CNTNAP2: variants seen among roughly 807,000 people sequenced by gnomAD.
CNTNAP2 encodes the protein contactin associated protein 2, also known as contactin-associated protein-like 2.
A neutral mutation model predicts 155.2 loss-of-function variants in CNTNAP2; 98 were observed. The ratio of observed to expected loss-of-function variants is 0.63; its 90% CI spans 0.54 to 0.75. The LOEUF is 0.75. Among genes scored for constraint, CNTNAP2 ranks in the 30% least tolerant of loss-of-function variants. The probability of loss-of-function intolerance (pLI) is 0.00; values close to 1 mark genes in which losing one functional copy is unlikely to be tolerated. For missense variants in CNTNAP2, 1,727 were observed against 1,688.1 expected, an observed-to-expected ratio of 1.02 and a Z score of -0.40; for synonymous variants, 651 against 631.2, an observed-to-expected ratio of 1.03 and a Z score of -0.47.
At chr7:148,216,854 T>A (rs911347337) in intron 18 of CNTNAP2, among the ~76,000 whole-genome samples, 2 of 152,168 alleles carry the variant, frequency 1.3e-5, no homozygotes, top group Non-Finnish European at 2.9e-5. Flanking sequence ...GCTGTTCTTA[T>A]GATAATGAAT....
chr7:148,393,571 G>GTGTT (rs538123947), intron 22 of CNTNAP2, among the ~76,000 whole-genome samples: 1 of 151,686 alleles, frequency 6.6e-6, no homozygotes, highest in East Asian at 1.9e-4. Flanking sequence ...AGTTTCTACA[G>GTGTT]TGTTTTCATA....
chr7:148,040,841 A>T (rs1052052124), intron 15 of CNTNAP2, among the ~76,000 whole-genome samples: 1 of 149,788 alleles, frequency 6.7e-6, no homozygotes, highest in African/African-American at 2.5e-5. Context: ...AAGAGAGCAA[A>T]TTTTTTTTTT....
At chr7:147,196,781 C>T (rs1272418291) in intron 8 of CNTNAP2, among the ~76,000 whole-genome samples, 1 of 152,170 alleles carries the variant, frequency 6.6e-6, no homozygotes, top group African/African-American at 2.4e-5. Context: ...AGAGCAACTA[C>T]TGAATGACGC....
At chr7:147,565,713 G>A (rs551240477) in intron 12 of CNTNAP2, among the ~76,000 whole-genome samples, 53 of 152,290 alleles carry the variant, frequency 3.5e-4, no homozygotes, top group Middle Eastern at 3.4e-3. Flanking sequence ...GGACTGAGTA[G>A]CTGGATGAAC....
intron 21 of CNTNAP2, among the ~76,000 whole-genome samples, chr7:148,310,307 A>G (rs1258760507): frequency 2.0e-5 from 3 of 152,226 alleles, no homozygotes; most frequent in Admixed American, 6.5e-5. Context: ...TCTTCATTTA[A>G]GAATATACAG....
intron 1 of CNTNAP2, among the ~76,000 whole-genome samples, chr7:146,610,301 C>A (rs1460674392): frequency 6.6e-6 from 1 of 152,128 alleles, no homozygotes; most frequent in Non-Finnish European, 1.5e-5. Flanking sequence ...GAAACATGAG[C>A]AGCACCCAAA....
intron 9 of CNTNAP2, among the ~76,000 whole-genome samples, chr7:147,357,773 G>A (rs561253290): frequency 1.3e-5 from 2 of 152,110 alleles, no homozygotes; most frequent in African/African-American, 4.8e-5. Context: ...ACTTCATACT[G>A]TTAAGTAGTT....
chr7:147,258,035 T>G (rs1804370327), intron 8 of CNTNAP2, among the ~76,000 whole-genome samples: 1 of 152,116 alleles, frequency 6.6e-6, no homozygotes, highest in Non-Finnish European at 1.5e-5. Flanking sequence ...TGATGATGGT[T>G]TGCTAAAGAA....
In CNTNAP2 at chr7:147,595,882, G is replaced by T. The variant is rs576601856; in HGVS notation, c.1897+33625G>T. 3.3e-5 allele frequency among the ~76,000 whole-genome samples: 5 copies of T among 152,284 alleles called. No individual in the cohort carries two copies. The South Asian group carries it at 1.0e-3, about 32-fold the overall frequency. The stretch of plus-strand genomic sequence containing the variant: ...CCTCCATCTCCTTTGAAGACTCTCC[G>T]TGACCTCTAAAAGTTGGAGTTCCTG... On this transcript the variant is annotated intron_variant, in intron 12 of 23. Coordinates refer to ENST00000361727, the MANE Select transcript of CNTNAP2 (RefSeq NM_014141.6).
intron 13 of CNTNAP2, among the ~76,000 whole-genome samples, chr7:147,730,873 T>C (rs1026667711): frequency 5.9e-5 from 9 of 152,090 alleles, no homozygotes; most frequent in African/African-American, 1.9e-4. Flanking sequence ...ACATGAACGA[T>C]AGAAAAGTGA....
intron 1 of CNTNAP2, among the ~76,000 whole-genome samples, chr7:146,141,405 T>C (rs1797880339): frequency 6.6e-6 from 1 of 152,142 alleles, no homozygotes; most frequent in African/African-American, 2.4e-5. Context: ...TTTTTATGGA[T>C]TTACTTCAGG....
chr7:147,238,592 C>A (rs992701726), intron 8 of CNTNAP2, among the ~76,000 whole-genome samples: 2 of 152,062 alleles, frequency 1.3e-5, no homozygotes, highest in Non-Finnish European at 2.9e-5. Context: ...GCCAACTCTC[C>A]TGCTTAATCG....
chr7:147,083,701 A>C lies in CNTNAP2; in HGVS notation c.551-24446A>C, dbSNP rs184679306. On this transcript the variant is annotated intron_variant, in intron 4 of 23. Coordinates refer to ENST00000361727, the MANE Select transcript of CNTNAP2 (RefSeq NM_014141.6). ...ATTATATATGATACATAGATATATA[A>C]TGTATTATATATTTATATAGCATGT... Among the ~76,000 whole-genome samples the C allele has an allele frequency of 4.6e-3, 668 of 144,862 alleles. 8 individuals are homozygous for C. The highest frequency in any genetic ancestry group is 0.016 in the African/African-American group (632 of 39,846).
At chr7:147,391,445 A>G (rs1362287044) in intron 9 of CNTNAP2, among the ~76,000 whole-genome samples, 1 of 151,952 alleles carries the variant, frequency 6.6e-6, no homozygotes, top group Non-Finnish European at 1.5e-5. Context: ...GCCTGTTTCT[A>G]TTTTGTCCCA....
At position 147,041,883 on chromosome 7, in the gene CNTNAP2, A is replaced by G. The variant is rs183252636; in HGVS notation, c.403-2024A>G. ...TTTGGATTAACCCATATCCAATTGT[A>G]GATTTAATTCAAGTGATTTTGGTCA... On this transcript the variant is annotated intron_variant, in intron 3 of 23. Transcript: ENST00000361727. Among the ~76,000 whole-genome samples the G allele has an allele frequency of 3.3e-5, 5 of 152,338 alleles. No individual in the cohort carries two copies. The East Asian group carries it at 7.7e-4, about 24-fold the overall frequency.
intron 10 of CNTNAP2, among the ~76,000 whole-genome samples, chr7:147,451,882 G>T (rs977730797): frequency 6.6e-6 from 1 of 152,146 alleles, no homozygotes; most frequent in Non-Finnish European, 1.5e-5. Flanking sequence ...TAGGATATGT[G>T]CTATGACACA....
At chr7:147,362,678 G>A (rs567822372) in intron 9 of CNTNAP2, among the ~76,000 whole-genome samples, 1 of 152,108 alleles carries the variant, frequency 6.6e-6, no homozygotes, top group African/African-American at 2.4e-5. Flanking sequence ...GTTGCTGAGT[G>A]TTATGGAGTG....
intron 14 of CNTNAP2, among the ~76,000 whole-genome samples, chr7:147,944,653 T>C (rs370702473): frequency 6.6e-6 from 1 of 152,248 alleles, no homozygotes; most frequent in African/African-American, 2.4e-5. Flanking sequence ...ACTTTTCTAG[T>C]CTGCCATTGT....
chr7:146,225,106 G>A (rs1380353966), intron 1 of CNTNAP2, among the ~76,000 whole-genome samples: 6 of 152,272 alleles, frequency 3.9e-5, no homozygotes, highest in Admixed American at 6.5e-5. Context: ...TTTGAATACA[G>A]AGAGTGACTT....
Sources: gnomAD v4.1 joint callset for allele counts (sites outside exome capture counted in the v4.1 genomes callset) on GRCh38, gnomAD v4.1.1 for gene constraint, MANE v1.5 for transcripts, NCBI Gene and HGNC (gene_info 2026-07-23, HGNC 2026-07-21) for gene names.